SHANK1: variants seen among roughly 807,000 people sequenced by gnomAD.
The protein encoded by SHANK1 is SH3 and multiple ankyrin repeat domains protein 1.
Under a neutral mutation model 165.6 loss-of-function variants are expected in SHANK1, and 35 were observed. The ratio of observed to expected loss-of-function variants is 0.21; its 90% CI spans 0.16 to 0.28. The LOEUF (loss-of-function observed/expected upper bound fraction) is 0.28, where lower values mean the gene tolerates loss of function less well. SHANK1 is among the 10% of genes least tolerant of loss of function. SHANK1 has a pLI of 1.00. For missense variants in SHANK1, 2,681 were observed against 3,036.4 expected (o/e 0.88, Z 2.75); for synonymous variants, 1,428 against 1,384.8 (o/e 1.03, Z -0.69).
In SHANK1 at chr19:50,668,637, C is replaced by G; in HGVS notation, c.3323G>C (p.Gly1108Ala). 7.3e-7 allele frequency: 1 copy of G among 1,368,158 alleles called. No homozygotes were observed. Among genetic ancestry groups the G allele is most frequent in the South Asian group, 1.7e-5 (1 of 57,466 alleles). 84.8% of individuals were successfully genotyped at this position (1,368,158 alleles called of 1,614,324 possible). Residue 1108 changes from glycine (G) to alanine (A), a missense_variant, in exon 23 of 24, where the codon GGC becomes GCC. By Grantham distance (60) the Gly-to-Ala change is moderately conservative (BLOSUM62 0). Coordinates refer to ENST00000293441, the MANE Select transcript of SHANK1 (RefSeq NM_016148.5). Reference protein sequence around the residue: ...VPARSGRGRKGPLVKQTKVEG... With the variant: ...VPARSGRGRKAPLVKQTKVEG... The stretch of plus-strand genomic sequence containing the variant: ...CACCTTGGTCTGCTTGACCAGCGGG[C>G]CCTTGCGGCCGCGGCCCGAGCGGGC...
intron 11 of SHANK1, 63 bp downstream of exon 11, chr19:50,703,437 C>T (rs1013049751): frequency 2.1e-5 from 30 of 1,412,192 alleles, no homozygotes; most frequent in African/African-American, 5.7e-5. Flanking sequence ...CGGGGGAAGC[C>T]GCCGATCTGG....
At chr19:50,693,514 C>G (rs1377319452) in intron 15 of SHANK1, among the ~76,000 whole-genome samples, 1 of 151,938 alleles carries the variant, frequency 6.6e-6, no homozygotes, top group East Asian at 2.0e-4. Context: ...CAGAGCTCAG[C>G]AGCCAGCTCT....
chr19:50,662,696 A>G lies in SHANK1; in HGVS notation c.5769-14T>C, dbSNP rs1326723473. Reference sequence around the variant, plus strand: ...TCGTCGGAGAGTCTGGAATGTGACAAGGGGGCAGTGGGGGAGGACAGGGAT... The same window carrying G: ...TCGTCGGAGAGTCTGGAATGTGACAGGGGGGCAGTGGGGGAGGACAGGGAT... On this transcript the variant is annotated splice_polypyrimidine_tract_variant and intron_variant, in intron 23 of 23. Transcript: ENST00000293441. The surrounding 1 kb of genome is among the most constrained non-coding windows in gnomAD (Gnocchi z 7.7). 7.5e-7 allele frequency: 1 copy of G among 1,333,040 alleles called. No homozygotes were observed. The highest frequency in any genetic ancestry group is 9.9e-7 in the Non-Finnish European group (1 of 1,006,494). 82.6% of individuals were successfully genotyped at this position (1,333,040 alleles called of 1,614,324 possible).
chr19:50,699,789 G>T (rs891517510), intron 12 of SHANK1, among the ~76,000 whole-genome samples: 7 of 151,780 alleles, frequency 4.6e-5, no homozygotes, highest in Non-Finnish European at 8.8e-5. Context: ...GGAATGGAGG[G>T]CTTGGGGCTT....
At position 50,686,020 on chromosome 19, in the gene SHANK1, G is replaced by C. The variant is rs1255806288; in HGVS notation, c.2577+217C>G. 6.6e-6 allele frequency among the ~76,000 whole-genome samples: 1 copy of C among 150,576 alleles called. No homozygotes were observed. The highest frequency in any genetic ancestry group is 2.4e-5 in the African/African-American group (1 of 41,130). On this transcript the variant is annotated intron_variant, in intron 21 of 23. Coordinates refer to ENST00000293441, the MANE Select transcript of SHANK1 (RefSeq NM_016148.5). This position sits in a 1 kb window ranked among gnomAD's most constrained non-coding sequence, Gnocchi z 5.7. ...TAATAGCAGGGGTGGAAAGTGGAGA[G>C]AGAAAAGGACAGAGATGGGATTTGA...
chr19:50,706,418 G>A (rs926663506), intron 8 of SHANK1, among the ~76,000 whole-genome samples: 1 of 152,028 alleles, frequency 6.6e-6, no homozygotes, highest in African/African-American at 2.4e-5. Flanking sequence ...TTTGGGCTAA[G>A]CACAAAGTCC....
chr19:50,709,380 A>C (rs1410113611), intron 8 of SHANK1, among the ~76,000 whole-genome samples: 1 of 151,988 alleles, frequency 6.6e-6, no homozygotes, highest in Admixed American at 6.6e-5. Context: ...TGACCTAGTG[A>C]TCCGCCCGCC....
At chr19:50,680,911 C>G (rs966035084) in intron 21 of SHANK1, among the ~76,000 whole-genome samples, 1 of 152,202 alleles carries the variant, frequency 6.6e-6, no homozygotes, top group Non-Finnish European at 1.5e-5. Flanking sequence ...CCGCCTTGGC[C>G]TCCCAAAGTG....
At position 50,662,060 on chromosome 19, in the gene SHANK1, C is replaced by A. The variant is rs757609780; in HGVS notation, c.6391G>T (p.Ala2131Ser). 6.2e-7 allele frequency: 1 copy of A among 1,614,180 alleles called. No homozygotes were observed. Among genetic ancestry groups the A allele is most frequent in the East Asian group, 2.2e-5 (1 of 44,886 alleles). Residue 2131 changes from alanine (A) to serine (S), a missense_variant, in exon 24 of 24, where the codon GCC becomes TCC. Physicochemically the swap from Ala to Ser is moderately conservative, Grantham distance 99. Around this residue, in one of 10 missense-constraint regions of SHANK1, gnomAD observed 49 missense variants for 94.2 expected, o/e 0.52. Transcript: ENST00000293441. This position sits in a 1 kb window ranked among gnomAD's most constrained non-coding sequence, Gnocchi z 7.7. The stretch of plus-strand genomic sequence containing the variant: ...TCGACGTAGTCCTCCTTGGTCAAGG[C>A]GGGCAGGTGGGAGCCATCGATCTCG... ...DHEIDGSHLPALTKEDYVDLG... is the reference protein window; with the variant it reads ...DHEIDGSHLPSLTKEDYVDLG...
Position 50,668,790 on chromosome 19 carries a change from G to C in SHANK1, c.3170C>G (p.Pro1057Arg), listed in dbSNP as rs1258310779. The part of the protein sequence containing the change: ...LRGWRGGGPS[P>R]TPGAPSPSHH... ...CGATGGGGACGGGGCCCCCGGGGTC[G>C]GGCTGGGCCCGCCGCCCCTCCAGCC... Residue 1057 changes from proline (P) to arginine (R), a missense_variant, in exon 23 of 24, where the codon CCG (proline) becomes CGG (arginine). Transcript: ENST00000293441. 44 of 1,266,620 alleles carry C rather than the reference G, an allele frequency of 3.5e-5. 1 individual carries two copies. In the South Asian group the frequency reaches 1.2e-3, roughly 36 times the overall value. The allele number at this position is 1,266,620 out of a possible 1,614,324, so 78.5% of individuals were successfully genotyped here. A position where few individuals can be genotyped will look rare whatever the true frequency, so the allele number is the denominator to read the frequency against.
rs780665555 is a variant in SHANK1, at chr19:50,662,198, G to C, written c.6253C>G (p.Pro2085Ala). 6.2e-7 allele frequency: 1 copy of C among 1,609,578 alleles called. No homozygotes were observed. ...TTAGCGCCAAACGGCTTGTCCGGGG[G>C]CAGCGAGAGCAGGCGGGTCGGTGAG... ...SLSPTRLLSL[P>A]PDKPFGAKPL... The change falls in exon 24 of 24, where the codon CCC (proline) becomes GCC (alanine). Residue 2085 changes from proline (P) to alanine (A), a missense_variant. Pro to Ala is a conservative substitution (Grantham distance 27). This residue lies in a region of SHANK1 where 1,713 missense variants were observed against 1,630.2 expected (regional missense o/e 1.05). Coordinates refer to ENST00000293441, the MANE Select transcript of SHANK1 (RefSeq NM_016148.5). This position sits in a 1 kb window ranked among gnomAD's most constrained non-coding sequence, Gnocchi z 7.7.
rs369454772 is a variant in SHANK1, at chr19:50,687,534, T to C, written c.2389+48A>G. On this transcript the variant is annotated intron_variant, in intron 19 of 23. Coordinates refer to ENST00000293441, the MANE Select transcript of SHANK1 (RefSeq NM_016148.5). ...AACTCAAGGGATGGTCCAGCCCTCC[T>C]TCCCCTCTCCCCCCGGCCCCCTGGC... is the stretch of plus-strand genomic sequence containing the variant. The C allele has an allele frequency of 2.3e-4, 340 of 1,453,292 alleles. 1 individual carries two copies. In the African/African-American group the frequency reaches 4.3e-3, roughly 18 times the overall value. 90.0% of individuals were successfully genotyped at this position (1,453,292 alleles called of 1,614,324 possible).
intron 22 of SHANK1, among the ~76,000 whole-genome samples, chr19:50,669,981 A>C: frequency 6.6e-6 from 1 of 151,286 alleles, no homozygotes; most frequent in Non-Finnish European, 1.5e-5. Context: ...ACCTCTGACT[A>C]CTCCCTCTCA....
In SHANK1 at chr19:50,702,706, GA is replaced by G. The variant is rs145294133; in HGVS notation, c.1554-47del. ...AGAGGAGGGGAGGGTGGAGGGAGGG[GA>G]CACCTCTGGGAGGACAGGGGTCCTT... On this transcript the variant is annotated intron_variant, in intron 11 of 23. Coordinates refer to ENST00000293441, the MANE Select transcript of SHANK1 (RefSeq NM_016148.5). This position sits in a 1 kb window ranked among gnomAD's most constrained non-coding sequence, Gnocchi z 5.3. The G allele has an allele frequency of 3.0e-3, 3,854 of 1,282,342 alleles. 96 individuals carry two copies. The African/African-American group carries it at 0.05, about 17-fold the overall frequency. The allele number at this position is 1,282,342 out of a possible 1,614,324, so 79.4% of individuals were successfully genotyped here.
In SHANK1 at chr19:50,715,691, C is replaced by G; in HGVS notation, c.499G>C (p.Asp167His). ...TGCAACTTGGCCAGCTGCTTCTCAT[C>G]CAGGTTGGTCTGTTTGTAAACTCGG... ...KTRVYKQTNL[D>H]EKQLAKLHTK... is the part of the protein sequence containing the mutation. The change falls in exon 4 of 24, where the codon GAT becomes CAT. Residue 167 changes from aspartate to histidine, a missense_variant. Physicochemically the swap from Asp to His is moderately conservative, Grantham distance 81. Around this residue, in one of 10 missense-constraint regions of SHANK1, gnomAD observed 189 missense variants for 440.9 expected, o/e 0.43. Transcript: ENST00000293441. The G allele has an allele frequency of 6.2e-7, 1 of 1,614,064 alleles. No individual in the cohort carries two copies. Among genetic ancestry groups the G allele is most frequent in the Non-Finnish European group, 8.5e-7 (1 of 1,180,012 alleles).
intron 11 of SHANK1, among the ~76,000 whole-genome samples, chr19:50,703,224 A>T (rs2088891196): frequency 6.7e-6 from 1 of 149,556 alleles, no homozygotes; most frequent in Admixed American, 6.7e-5. Context: ...TCACCCTGTC[A>T]TTCTGTCTGT....
Position 50,717,107 on chromosome 19 carries a change from G to GTC in SHANK1, c.-43-146_-43-145insGA. Reference sequence around the variant, plus strand: ...AGGAGGCTGGACACACCCTCGGCCTGCACGGCCTCCCCTGCCGCCTCCTCC... The same window carrying GTC: ...AGGAGGCTGGACACACCCTCGGCCTGTCCACGGCCTCCCCTGCCGCCTCCTCC... On this transcript the variant is annotated intron_variant, in intron 1 of 23. Transcript: ENST00000293441. The surrounding 1 kb of genome is among the most constrained non-coding windows in gnomAD (Gnocchi z 5.5). 1.7e-6 allele frequency: 1 copy of GTC among 592,178 alleles called. No individual in the cohort carries two copies. Among genetic ancestry groups the GTC allele is most frequent in the Non-Finnish European group, 2.6e-6 (1 of 388,202 alleles). 36.7% of individuals were successfully genotyped at this position (592,178 alleles called of 1,614,324 possible).
chr19:50,664,535 C>G (rs979625149), intron 23 of SHANK1, among the ~76,000 whole-genome samples: 5 of 152,210 alleles, frequency 3.3e-5, no homozygotes, highest in Non-Finnish European at 5.9e-5. Flanking sequence ...CATTCCACTT[C>G]TACAGAGAGG....
Position 50,667,701 on chromosome 19 carries a change from A to C in SHANK1, c.4259T>G (p.Leu1420Arg), listed in dbSNP as rs908085939. The C allele has an allele frequency of 7.5e-7, 1 of 1,340,234 alleles. No individual in the cohort carries two copies. Among genetic ancestry groups the C allele is most frequent in the African/African-American group, 1.6e-5 (1 of 63,852 alleles). The allele number at this position is 1,340,234 out of a possible 1,614,324, so 83.0% of individuals were successfully genotyped here. A position where few individuals can be genotyped will look rare whatever the true frequency, so the allele number is the denominator to read the frequency against. ...GCTGCCCAGCCCGGCCCTGTACCCC[A>C]GCTCCCGGCGCGCAGGGTCCGGCGG... ...ASPPDPARRE[L>R]GYRAGLGSQE... Residue 1420 changes from leucine (L) to arginine (R), a missense_variant, in exon 23 of 24, where the codon CTG becomes CGG. Leu to Arg is a moderately radical substitution (Grantham distance 102). Transcript: ENST00000293441. This position sits in a 1 kb window ranked among gnomAD's most constrained non-coding sequence, Gnocchi z 5.7.
Sources: allele counts gnomAD v4.1 joint callset (sites outside exome capture counted in the v4.1 genomes callset), GRCh38; gene constraint gnomAD v4.1.1; regional missense constraint gnomAD v4.1.1; non-coding constraint Gnocchi (gnomAD v3.1); transcripts MANE v1.5; gene names NCBI Gene and HGNC (gene_info 2026-07-23, HGNC 2026-07-21).